The following HELQ variants were observed in gnomAD, a reference collection of about 807,000 sequenced individuals.
The protein encoded by HELQ is helicase, POLQ like.
Under a neutral mutation model 111.6 loss-of-function variants are expected in HELQ, and 77 were observed. The ratio of observed to expected loss-of-function variants is 0.69; its 90% CI spans 0.57 to 0.83. The LOEUF is 0.83. Ranked by LOEUF, HELQ falls within the 40% of genes least tolerant of loss-of-function variation. The probability of loss-of-function intolerance (pLI) is 0.00; values close to 1 mark genes in which losing one functional copy is unlikely to be tolerated. For synonymous variants in HELQ, 438 were observed against 454.7 expected (o/e 0.96, Z 0.47); for missense variants, 1,200 against 1,288.5 (o/e 0.93, Z 1.05).
At chr4:83,411,321 T>C (rs949041348) in intron 17 of HELQ, among the ~76,000 whole-genome samples, 34 of 150,904 alleles carry the variant, frequency 2.3e-4, no homozygotes, top group Non-Finnish European at 4.1e-4. Context: ...AATTTAGAGA[T>C]AGGGTCTCCC....
intron 3 of HELQ, 68 bp downstream of exon 3, chr4:83,448,715 C>A: frequency 8.0e-7 from 1 of 1,247,664 alleles, no homozygotes; most frequent in Non-Finnish European, 1.1e-6. Context: ...AAAGTTATCA[C>A]ATTTACAGAT....
At chr4:83,435,325 G>T (rs1325238555) in intron 9 of HELQ, among the ~76,000 whole-genome samples, 2 of 151,978 alleles carry the variant, frequency 1.3e-5, no homozygotes, top group Non-Finnish European at 1.5e-5. Flanking sequence ...AAAGAGAAAA[G>T]TCTAAAAGTT....
intron 14 of HELQ, among the ~76,000 whole-genome samples, chr4:83,425,140 C>T (rs1336163275): frequency 4.0e-5 from 6 of 151,586 alleles, no homozygotes; most frequent in African/African-American, 1.2e-4. Context: ...ATTAGCTAGG[C>T]GTGGTGGCAG....
At chr4:83,447,859 C>CAA (rs112143320) in intron 3 of HELQ, among the ~76,000 whole-genome samples, 15 of 76,536 alleles carry the variant, frequency 2.0e-4, no homozygotes, top group African/African-American at 5.5e-4. Flanking sequence ...AAGACTGTCT[C>CAA]AAAAAAAAAA....
chr4:83,428,933 A>C (rs905397794), intron 12 of HELQ, among the ~76,000 whole-genome samples: 1 of 152,140 alleles, frequency 6.6e-6, no homozygotes, highest in African/African-American at 2.4e-5. Flanking sequence ...GATATACACC[A>C]AATTGTTATT....
chr4:83,448,903 A>G lies in HELQ; in HGVS notation c.1071T>C (p.Tyr357=). 1.2e-6 allele frequency: 2 copies of G among 1,612,606 alleles called. No individual in the cohort carries two copies. The highest frequency in any genetic ancestry group is 2.2e-5 in the East Asian group (1 of 44,860). The part of the protein sequence containing the change: ...NSVQERKNLI[Y]SLPTSGGKTL... ...TTTTTCCACCACTTGTTGGCAAGGAATATATTAAATTTTTTCTTTCTTGCA... is the reference window on the plus strand; with the variant it reads ...TTTTTCCACCACTTGTTGGCAAGGAGTATATTAAATTTTTTCTTTCTTGCA... Residue 357 remains tyrosine, a synonymous_variant, in exon 3 of 18, where the codon TAT becomes TAC. Coordinates refer to ENST00000295488, the MANE Select transcript of HELQ (RefSeq NM_133636.5).
chr4:83,435,844 A>G (rs1310295634), intron 9 of HELQ, among the ~76,000 whole-genome samples: 1 of 152,118 alleles, frequency 6.6e-6, no homozygotes, highest in Non-Finnish European at 1.5e-5. Flanking sequence ...TAAAATTTTA[A>G]GAGTAACCAC....
chr4:83,440,015 A>C lies in HELQ; in HGVS notation c.1663-7T>G. ...TTTTTAGGGTATCAGAATACTGCAA[A>C]ACAACAAGATGTAGGAACAAAGTGG... On this transcript the variant is annotated splice_polypyrimidine_tract_variant and splice_region_variant and intron_variant, in intron 7 of 17. Coordinates refer to ENST00000295488, the MANE Select transcript of HELQ (RefSeq NM_133636.5). 1 of 1,603,812 alleles carries C rather than the reference A, an allele frequency of 6.2e-7. No individual in the cohort carries two copies. The highest frequency in any genetic ancestry group is 2.2e-5 in the East Asian group (1 of 44,568).
At chr4:83,441,036 A>G (rs113055077) in intron 7 of HELQ, among the ~76,000 whole-genome samples, 92 of 152,352 alleles carry the variant, frequency 6.0e-4, no homozygotes, top group African/African-American at 2.1e-3. Flanking sequence ...TCTGTTCCAG[A>G]TTGATTTTCA....
Position 83,420,355 on chromosome 4 carries a change from C to T in HELQ, c.2949+1208G>A, listed in dbSNP as rs967500178. 6.6e-5 allele frequency among the ~76,000 whole-genome samples: 10 copies of T among 152,264 alleles called. 1 individual carries two copies. Among genetic ancestry groups the T allele is most frequent in the African/African-American group, 2.4e-4 (10 of 41,552 alleles). On this transcript the variant is annotated intron_variant, in intron 15 of 17. Transcript: ENST00000295488. Reference sequence around the variant, plus strand: ...CAGTGGCAATCAAGAGAATATGGGCCAGGCGTGGCGGCTCATGCCTGTAAT... The same window carrying T: ...CAGTGGCAATCAAGAGAATATGGGCTAGGCGTGGCGGCTCATGCCTGTAAT...
In HELQ at chr4:83,429,504, A is replaced by C; in HGVS notation, c.2518+20T>G. 1 of 1,456,192 alleles carries C rather than the reference A, an allele frequency of 6.9e-7. No homozygotes were observed. Among genetic ancestry groups the C allele is most frequent in the Non-Finnish European group, 9.5e-7 (1 of 1,052,490 alleles). 90.2% of individuals were successfully genotyped at this position (1,456,192 alleles called of 1,614,324 possible). A position where few individuals can be genotyped will look rare whatever the true frequency, so the allele number is the denominator to read the frequency against. On this transcript the variant is annotated intron_variant, in intron 12 of 17. Coordinates refer to ENST00000295488, the MANE Select transcript of HELQ (RefSeq NM_133636.5). ...TCCAATGTGTTTCCTATGATCAATA[A>C]GATTTAGGTAAACTCTTACCCTTAA...
chr4:83,417,828 A>T (rs1739444884), intron 16 of HELQ, among the ~76,000 whole-genome samples: 1 of 152,084 alleles, frequency 6.6e-6, no homozygotes, highest in African/African-American at 2.4e-5. Flanking sequence ...CGGTAGCACA[A>T]CATACTTGGA....
chr4:83,434,082 T>A (rs1560549226), intron 9 of HELQ, among the ~76,000 whole-genome samples: 1 of 151,430 alleles, frequency 6.6e-6, no homozygotes, highest in Admixed American at 6.6e-5. Context: ...TCATAAAAAA[T>A]TTGAAGGGCC....
intron 9 of HELQ, among the ~76,000 whole-genome samples, chr4:83,434,891 A>G (rs1016240186): frequency 1.3e-5 from 2 of 152,216 alleles, no homozygotes; most frequent in African/African-American, 4.8e-5. Context: ...AAGTGAAATT[A>G]TAAAAGCAAG....
At chr4:83,422,214 G>A (rs998489228) in intron 14 of HELQ, among the ~76,000 whole-genome samples, 1 of 151,964 alleles carries the variant, frequency 6.6e-6, no homozygotes, top group African/African-American at 2.4e-5. Context: ...GTGAGACCCT[G>A]TCTCAAAAAA....
chr4:83,407,613 C>T (rs1371975632), intron 17 of HELQ, 53 bp from the exon 18 acceptor site: 1 of 1,141,420 alleles, frequency 8.8e-7, no homozygotes, highest in Non-Finnish European at 1.3e-6. Context: ...TAGAGAATTG[C>T]CAACAATTTT....
rs1720489179 is a variant in HELQ at position 83,436,914 on chromosome 4, GAGCACT to G, written c.1986_1991del (p.Val663_Leu664del). The G allele has an allele frequency of 1.2e-6, 2 of 1,614,226 alleles. No individual in the cohort carries two copies. Among genetic ancestry groups the G allele is most frequent in the Non-Finnish European group, 1.7e-6 (2 of 1,180,030 alleles). Reference sequence around the variant, plus strand: ...GGGTAGATGTGCAGGTAAAAAGACAGAGCACTCCTGTGGAGTAGGCCTCCTCCAAGA... The same window carrying G: ...GGGTAGATGTGCAGGTAAAAAGACAGCCTGTGGAGTAGGCCTCCTCCAAGA... On this transcript the variant is annotated inframe_deletion, in exon 9 of 18. Coordinates refer to ENST00000295488, the MANE Select transcript of HELQ (RefSeq NM_133636.5).
In HELQ at chr4:83,425,521, T is replaced by C. The variant is rs536152398; in HGVS notation, c.2775+473A>G. On this transcript the variant is annotated intron_variant, in intron 14 of 17. Coordinates refer to ENST00000295488, the MANE Select transcript of HELQ (RefSeq NM_133636.5). Reference sequence around the variant, plus strand: ...GACTGAATTTTAAAACACCAAAATATATCACACCAACGAGTATTAGCTTAT... The same window carrying C: ...GACTGAATTTTAAAACACCAAAATACATCACACCAACGAGTATTAGCTTAT... Among the ~76,000 whole-genome samples the C allele has an allele frequency of 5.9e-5, 9 of 152,302 alleles. No homozygotes were observed. In the East Asian group the frequency reaches 1.7e-3, roughly 29 times the overall value.
At chr4:83,428,324 T>TA (rs1285919589) in intron 12 of HELQ, among the ~76,000 whole-genome samples, 2 of 151,740 alleles carry the variant, frequency 1.3e-5, no homozygotes, top group African/African-American at 2.4e-5. Flanking sequence ...TTTTTTTTTT[T>TA]AACAACAGAC....
Sources: gnomAD v4.1 joint callset for allele counts (sites outside exome capture counted in the v4.1 genomes callset) on GRCh38, gnomAD v4.1.1 for gene constraint, MANE v1.5 for transcripts, NCBI Gene and HGNC (gene_info 2026-07-23, HGNC 2026-07-21) for gene names.